SSR3: variants seen among roughly 807,000 people sequenced by gnomAD.
SSR3 encodes signal sequence receptor subunit 3.
Under a neutral mutation model 22.1 loss-of-function variants are expected in SSR3, and 10 were observed. The ratio of observed to expected loss-of-function variants is 0.45; its 90% CI spans 0.28 to 0.77. The LOEUF (loss-of-function observed/expected upper bound fraction) is 0.77. Among genes scored for constraint, SSR3 ranks in the 30% least tolerant of loss-of-function variants. The pLI, the probability that SSR3 is intolerant of heterozygous loss-of-function variation, is 0.13. For synonymous variants in SSR3, 104 were observed against 82.5 expected (o/e 1.26, Z -1.42); for missense variants, 181 against 220.5 (o/e 0.82, Z 1.13).
chr3:156,546,154 G>A (rs1413082774), intron 3 of SSR3, among the ~76,000 whole-genome samples: 4 of 152,196 alleles, frequency 2.6e-5, no homozygotes, highest in Non-Finnish European at 5.9e-5. Flanking sequence ...CTGGTGGGAG[G>A]TGACTGGATC....
rs75731831 is a variant in SSR3 at position 156,544,542 on chromosome 3, G to A, written c.360-103C>T. On this transcript the variant is annotated intron_variant, in intron 3 of 4. Transcript: ENST00000265044. The stretch of plus-strand genomic sequence containing the variant: ...CATCATAAAACAAGTTTTTCCTTGA[G>A]TGTTCTAGGGTAAGAATGTGTTTGT... 1.9e-4 allele frequency: 165 copies of A among 874,424 alleles called. No individual in the cohort carries two copies. In the African/African-American group the frequency reaches 2.6e-3, roughly 14 times the overall value. 54.2% of individuals were successfully genotyped at this position (874,424 alleles called of 1,614,324 possible). A position where few individuals can be genotyped will look rare whatever the true frequency, so the allele number is the denominator to read the frequency against.
In SSR3 at chr3:156,539,783, A is replaced by G. The variant is rs1007042224; in HGVS notation, c.*3420T>C. Among the ~76,000 whole-genome samples, 1 of 152,236 alleles carries G rather than the reference A, an allele frequency of 6.6e-6. No individual in the cohort carries two copies. On this transcript the variant is annotated 3_prime_UTR_variant, in exon 5 of 5. Transcript: ENST00000265044. ...ATCCTTCCATCCTGTCTCCAGAAGC[A>G]GCAGTGACTGGCATGCACACTGAAA... is the stretch of plus-strand genomic sequence containing the variant.
At chr3:156,544,010 C>A (rs1038901540) in intron 4 of SSR3, 2 of 351,068 alleles carry the variant, frequency 5.7e-6, no homozygotes, top group East Asian at 4.2e-5. Flanking sequence ...CAGAAGCTAT[C>A]AAAAATGACA....
At chr3:156,548,251 C>T (rs1243737172) in intron 3 of SSR3, among the ~76,000 whole-genome samples, 1 of 152,136 alleles carries the variant, frequency 6.6e-6, no homozygotes, top group African/African-American at 2.4e-5. Context: ...CTAAGAGCAG[C>T]CGGCAGAAAA....
At chr3:156,544,096 T>C (rs1338871622) in intron 4 of SSR3, 3 of 423,094 alleles carry the variant, frequency 7.1e-6, no homozygotes, top group Non-Finnish European at 1.2e-5. Flanking sequence ...TTGTAATACT[T>C]TATCATACAG....
chr3:156,544,244 C>G (rs1041885284), intron 4 of SSR3, 64 bp downstream of exon 4: 8 of 1,423,802 alleles, frequency 5.6e-6, no homozygotes, highest in Non-Finnish European at 6.5e-6. Flanking sequence ...CCAGACAAGT[C>G]AAAACCAAAA....
chr3:156,549,186 G>A (rs911391667), intron 2 of SSR3, 183 bp from the exon 3 acceptor site: 1 of 504,240 alleles, frequency 2.0e-6, no homozygotes, highest in African/African-American at 1.9e-5. Context: ...AGAGAAGTTC[G>A]AGAAATGTCC....
intron 2 of SSR3, among the ~76,000 whole-genome samples, chr3:156,552,064 A>T (rs1719978811): frequency 6.6e-6 from 1 of 152,090 alleles, no homozygotes; most frequent in Non-Finnish European, 1.5e-5. Context: ...ACTTTGGGAG[A>T]CCGAGGCAGA....
chr3:156,548,988 C>T lies in SSR3; in HGVS notation c.276G>A (p.Arg92=). Reference sequence around the variant, plus strand: ...TCACTTCTTTGGAAACAGCATCCTCCCTCTTCTGTGCTACTCTGGAAGAAA... The same window carrying T: ...TCACTTCTTTGGAAACAGCATCCTCTCTCTTCTGTGCTACTCTGGAAGAAA... ...FVLKHKVAQK[R]EDAVSKEVTR... The change falls in exon 3 of 5, where the codon AGG becomes AGA. Residue 92 remains arginine (R), a synonymous_variant. Transcript: ENST00000265044. 1.9e-6 allele frequency: 3 copies of T among 1,612,800 alleles called. No homozygotes were observed. The highest frequency in any genetic ancestry group is 2.5e-6 in the Non-Finnish European group (3 of 1,179,778).
chr3:156,543,241 A>C lies in SSR3; in HGVS notation c.520T>G (p.Ser174Ala). 1 of 1,614,036 alleles carries C rather than the reference A, an allele frequency of 6.2e-7. No homozygotes were observed. The change falls in exon 5 of 5, where the codon TCA becomes GCA. Residue 174 changes from serine to alanine, a missense_variant. By Grantham distance (99) the Ser-to-Ala change is moderately conservative. Coordinates refer to ENST00000265044, the MANE Select transcript of SSR3 (RefSeq NM_007107.5). ...VNYILSISAS[S>A]GLIALLSTGS... ...GTAGACAGGAGGGCGATGAGTCCTG[A>C]TGAAGCACTTATGGACAATATGTAG...
intron 3 of SSR3, among the ~76,000 whole-genome samples, chr3:156,545,544 T>C (rs987805854): frequency 1.3e-5 from 2 of 152,176 alleles, no homozygotes; most frequent in Non-Finnish European, 2.9e-5. Context: ...ACTGACACAT[T>C]ATATTCATTA....
chr3:156,554,339 C>T (rs1031967788), intron 1 of SSR3, among the ~76,000 whole-genome samples: 1 of 152,204 alleles, frequency 6.6e-6, no homozygotes, highest in Non-Finnish European at 1.5e-5. Flanking sequence ...TTGAGCTCTA[C>T]TAAAAACGAC....
At chr3:156,554,829 G>A in intron 1 of SSR3, 128 bp downstream of exon 1, 1 of 1,270,342 alleles carries the variant, frequency 7.9e-7, no homozygotes, top group East Asian at 2.5e-5. Context: ...CCCGAGCTCA[G>A]GGGAGCTGGA....
intron 2 of SSR3, 91 bp downstream of exon 2, chr3:156,553,564 C>T: frequency 7.6e-7 from 1 of 1,314,698 alleles, no homozygotes; most frequent in Non-Finnish European, 1.0e-6. Flanking sequence ...CAAATTAATG[C>T]TTATTAAAAC....
intron 1 of SSR3, among the ~76,000 whole-genome samples, chr3:156,554,415 A>G (rs1720075437): frequency 6.6e-6 from 1 of 152,210 alleles, no homozygotes; most frequent in Non-Finnish European, 1.5e-5. Flanking sequence ...GGATTATTAA[A>G]AAGTATAAAT....
intron 4 of SSR3, 107 bp from the exon 5 acceptor site, chr3:156,543,376 G>A (rs1340313009): frequency 7.7e-6 from 6 of 782,126 alleles, no homozygotes; most frequent in Non-Finnish European, 1.0e-5. Context: ...CTGACACTTG[G>A]TGTAATCATA....
In SSR3 at chr3:156,543,150, A is replaced by T; in HGVS notation, c.*53T>A. 1 of 1,549,864 alleles carries T rather than the reference A, an allele frequency of 6.5e-7. No individual in the cohort carries two copies. Among genetic ancestry groups the T allele is most frequent in the Non-Finnish European group, 8.9e-7 (1 of 1,125,864 alleles). On this transcript the variant is annotated 3_prime_UTR_variant, in exon 5 of 5. Transcript: ENST00000265044. ...ACCCTGACCACCCTGCTACTTTTCC[A>T]TATACCACAGGCCACCCATAGACAC...
In SSR3 at chr3:156,544,345, C is replaced by G; in HGVS notation, c.454G>C (p.Ala152Pro). 1 of 1,593,128 alleles carries G rather than the reference C, an allele frequency of 6.3e-7. No individual in the cohort carries two copies. The highest frequency in any genetic ancestry group is 8.6e-7 in the Non-Finnish European group (1 of 1,169,506). ...NTLFLVVVIV[A>P]SFFILKNFNP... ...AAGTTCTTCAATATGAAGAAGGAAG[C>G]AACAATGACCACGACCAGGAACAGA... The change falls in exon 4 of 5, where the codon GCT (alanine) becomes CCT (proline). Residue 152 changes from alanine (A) to proline (P), a missense_variant. By Grantham distance (27) the Ala-to-Pro change is conservative. Transcript: ENST00000265044.
chr3:156,544,132 C>A (rs952819764), intron 4 of SSR3, 176 bp downstream of exon 4: 2 of 466,496 alleles, frequency 4.3e-6, no homozygotes, highest in East Asian at 3.4e-5. Context: ...TTAAAAGAAT[C>A]TTAAACCAAT....
Sources: gnomAD v4.1 joint callset for allele counts (sites outside exome capture counted in the v4.1 genomes callset) on GRCh38, gnomAD v4.1.1 for gene constraint, MANE v1.5 for transcripts, NCBI Gene and HGNC (gene_info 2026-07-23, HGNC 2026-07-21) for gene names.